Variants in ESRRG observed in about 807,000 individuals in gnomAD.
ESRRG encodes estrogen-related receptor gamma.
In ESRRG, 13 loss-of-function variants were observed where a neutral mutation model predicts 44.0. The ratio of observed to expected loss-of-function variants is 0.30; its 90% CI spans 0.19 to 0.47. The LOEUF is 0.47. Among genes scored for constraint, ESRRG ranks in the 20% least tolerant of loss-of-function variants. ESRRG has a pLI of 1.00. For synonymous variants in ESRRG, 215 were observed against 214.6 expected (o/e 1.00, Z -0.02); for missense variants, 395 against 580.6 (o/e 0.68, Z 3.29).
Position 216,564,377 on chromosome 1 carries a change from T to C in ESRRG, c.704A>G (p.Asn235Ser). The change falls in exon 5 of 7, where the codon AAC becomes AGC. Residue 235 changes from asparagine (N) to serine (S), a missense_variant. Physicochemically the swap from Asn to Ser is conservative, Grantham distance 46. Coordinates refer to ENST00000408911, the MANE Select transcript of ESRRG (RefSeq NM_001438.4). ...QLVQPAKKPYNKIVSHLLVAE... is the reference protein window; with the variant it reads ...QLVQPAKKPYSKIVSHLLVAE... Reference sequence around the variant, plus strand: ...CACCAACAAATGTGAGACAATCTTGTTATCTGCAGGATCAGACCAGAGCAC... The same window carrying C: ...CACCAACAAATGTGAGACAATCTTGCTATCTGCAGGATCAGACCAGAGCAC... The C allele has an allele frequency of 6.2e-7, 1 of 1,609,134 alleles. No individual in the cohort carries two copies. Among genetic ancestry groups the C allele is most frequent in the South Asian group, 1.1e-5 (1 of 90,410 alleles).
chr1:216,950,219 G>A (rs2066730481), intron 1 of ESRRG, among the ~76,000 whole-genome samples: 1 of 152,118 alleles, frequency 6.6e-6, no homozygotes, highest in Admixed American at 6.6e-5. Flanking sequence ...CGTGGTTTCT[G>A]GCCCATAATT....
At chr1:216,563,390 G>A (rs1022566297) in intron 5 of ESRRG, among the ~76,000 whole-genome samples, 4 of 152,106 alleles carry the variant, frequency 2.6e-5, no homozygotes, top group African/African-American at 9.7e-5. Context: ...TTTCAGTGTG[G>A]GCTGGGAAAG....
chr1:217,124,262 A>G (rs1194719643), intron 1 of ESRRG, among the ~76,000 whole-genome samples: 1 of 152,208 alleles, frequency 6.6e-6, no homozygotes, highest in Non-Finnish European at 1.5e-5. Flanking sequence ...GAATGAAGAA[A>G]TAAACATTTA....
chr1:216,653,278 C>T lies in ESRRG; in HGVS notation c.473-2189G>A, dbSNP rs11572702. On this transcript the variant is annotated intron_variant, in intron 2 of 6. Coordinates refer to ENST00000408911, the MANE Select transcript of ESRRG (RefSeq NM_001438.4). Reference sequence around the variant, plus strand: ...ACCTGGACTATGGCAGTTATCCCCTCCCTGGGCTTTTTGCCTCCGTCCTGA... The same window carrying T: ...ACCTGGACTATGGCAGTTATCCCCTTCCTGGGCTTTTTGCCTCCGTCCTGA... Among the ~76,000 whole-genome samples the T allele has an allele frequency of 3.1e-3, 472 of 152,338 alleles. 1 individual carries two copies. The highest frequency in any genetic ancestry group is 4.9e-3 in the Non-Finnish European group (333 of 68,016).
intron 3 of ESRRG, among the ~76,000 whole-genome samples, chr1:216,602,414 T>C (rs1325486134): frequency 6.6e-6 from 1 of 152,158 alleles, no homozygotes; most frequent in Admixed American, 6.5e-5. Context: ...CAATACCAAG[T>C]ATAATCTGTT....
chr1:216,720,335 A>G (rs1254724058), intron 1 of ESRRG, among the ~76,000 whole-genome samples: 1 of 152,078 alleles, frequency 6.6e-6, no homozygotes, highest in Non-Finnish European at 1.5e-5. Context: ...CTCCACCAAC[A>G]CCACATACCT....
At position 216,505,905 on chromosome 1, in the gene ESRRG, G is replaced by A. The variant is rs990825369; in HGVS notation, c.*1034C>T. Reference sequence around the variant, plus strand: ...GGTACAAAAAAATCTCCATTTGTAAGAAGAAACAAAACATTTTTAAAAATC... The same window carrying A: ...GGTACAAAAAAATCTCCATTTGTAAAAAGAAACAAAACATTTTTAAAAATC... On this transcript the variant is annotated 3_prime_UTR_variant, in exon 7 of 7. Coordinates refer to ENST00000408911, the MANE Select transcript of ESRRG (RefSeq NM_001438.4). 1 of 152,576 alleles carries A rather than the reference G, an allele frequency of 6.6e-6. No individual in the cohort carries two copies. Among genetic ancestry groups the A allele is most frequent in the Non-Finnish European group, 1.5e-5 (1 of 68,014 alleles). 9.5% of individuals were successfully genotyped at this position (152,576 alleles called of 1,614,324 possible). A position where few individuals can be genotyped will look rare whatever the true frequency, so the allele number is the denominator to read the frequency against.
intron 2 of ESRRG, among the ~76,000 whole-genome samples, chr1:216,777,196 T>C (rs1419496073): frequency 6.6e-6 from 1 of 152,072 alleles, no homozygotes; most frequent in East Asian, 1.9e-4. Context: ...TAAAATGCAC[T>C]GTATATTATG....
chr1:216,520,903 T>C (rs1236923862), intron 5 of ESRRG, among the ~76,000 whole-genome samples: 2 of 152,152 alleles, frequency 1.3e-5, no homozygotes, highest in African/African-American at 4.8e-5. Context: ...ATTGTGGGTA[T>C]CCCATATGAT....
Position 216,621,204 on chromosome 1 carries a change from G to A in ESRRG, c.589+29769C>T, listed in dbSNP as rs141326393. On this transcript the variant is annotated intron_variant, in intron 3 of 6. Transcript: ENST00000408911. Reference sequence around the variant, plus strand: ...AGTACTAACCTTGACCTACCCTATCGAAATGGGCAAAAATTCAGTTTATTA... The same window carrying A: ...AGTACTAACCTTGACCTACCCTATCAAAATGGGCAAAAATTCAGTTTATTA... Among the ~76,000 whole-genome samples, 88 of 152,212 alleles carry A rather than the reference G, an allele frequency of 5.8e-4. 1 individual carries two copies. Among genetic ancestry groups the A allele is most frequent in the African/African-American group, 1.9e-3 (79 of 41,530 alleles).
chr1:217,123,975 G>T (rs1214180410), intron 1 of ESRRG, among the ~76,000 whole-genome samples: 1 of 152,082 alleles, frequency 6.6e-6, no homozygotes, highest in Admixed American at 6.5e-5. Flanking sequence ...CAATCTCCTG[G>T]AATAAGCTTT....
At chr1:216,594,301 C>A (rs985121710) in intron 3 of ESRRG, among the ~76,000 whole-genome samples, 5 of 152,094 alleles carry the variant, frequency 3.3e-5, no homozygotes, top group African/African-American at 1.2e-4. Context: ...ATTTGTATTA[C>A]AAATATAAAT....
intron 1 of ESRRG, among the ~76,000 whole-genome samples, chr1:217,029,412 G>A (rs973987637): frequency 6.6e-6 from 1 of 152,192 alleles, no homozygotes; most frequent in Non-Finnish European, 1.5e-5. Flanking sequence ...CTGTTTGTGT[G>A]TTCAAAATTC....
rs1476411487 is a variant in ESRRG at position 216,541,598 on chromosome 1, GTGTGTGTGTA to G, written c.863-22187_863-22178del. Among the ~76,000 whole-genome samples the G allele has an allele frequency of 1.2e-3, 166 of 140,404 alleles. 2 individuals carry two copies. Among genetic ancestry groups the G allele is most frequent in the African/African-American group, 4.2e-3 (148 of 35,112 alleles). 92.1% of individuals were successfully genotyped at this position (140,404 alleles called of 152,430 possible). A position where few individuals can be genotyped will look rare whatever the true frequency, so the allele number is the denominator to read the frequency against. ...TGTGTGTGTGTGTGTGTGTGTGTGT[GTGTGTGTGTA>G]TGTGATCAGCTATTCATACCCTGGC... is the stretch of plus-strand genomic sequence containing the variant. On this transcript the variant is annotated intron_variant, in intron 5 of 6. Coordinates refer to ENST00000408911, the MANE Select transcript of ESRRG (RefSeq NM_001438.4).
chr1:216,559,533 T>C (rs1471221796), intron 5 of ESRRG, among the ~76,000 whole-genome samples: 1 of 152,226 alleles, frequency 6.6e-6, no homozygotes, highest in African/African-American at 2.4e-5. Context: ...GACTAACATA[T>C]GGTATAACTC....
intron 2 of ESRRG, among the ~76,000 whole-genome samples, chr1:216,755,539 G>A (rs2092390945): frequency 6.6e-6 from 1 of 151,884 alleles, no homozygotes. Context: ...ACTGTGGTTG[G>A]TGAAAATAAA....
intron 1 of ESRRG, among the ~76,000 whole-genome samples, chr1:217,083,933 G>T (rs1001322336): frequency 1.3e-5 from 2 of 152,180 alleles, no homozygotes; most frequent in Non-Finnish European, 2.9e-5. Context: ...TACAGGGCAT[G>T]AAATGATTTC....
intron 2 of ESRRG, among the ~76,000 whole-genome samples, chr1:216,909,163 A>C (rs1255634108): frequency 6.6e-6 from 1 of 152,204 alleles, no homozygotes; most frequent in African/African-American, 2.4e-5. Context: ...TAGACTCTAA[A>C]CTGACGGTAA....
At chr1:216,634,136 C>T (rs1487032330) in intron 3 of ESRRG, among the ~76,000 whole-genome samples, 1 of 152,160 alleles carries the variant, frequency 6.6e-6, no homozygotes, top group Admixed American at 6.5e-5. Flanking sequence ...TTTCCACGCT[C>T]AGCCCAGTAT....
Sources: gnomAD v4.1 joint callset for allele counts (sites outside exome capture counted in the v4.1 genomes callset) on GRCh38, gnomAD v4.1.1 for gene constraint, MANE v1.5 for transcripts, NCBI Gene and HGNC (gene_info 2026-07-23, HGNC 2026-07-21) for gene names.